Variants in MED13 observed in about 807,000 individuals in gnomAD.
MED13 encodes mediator of RNA polymerase II transcription subunit 13.
Under a neutral mutation model 225.2 loss-of-function variants are expected in MED13, and 23 were observed. That is an observed-to-expected ratio of 0.10 (90% CI 0.07 to 0.14). The LOEUF is 0.14. MED13 is among the 10% of genes least tolerant of loss of function. The probability of loss-of-function intolerance (pLI) is 1.00; values close to 1 mark genes in which losing one functional copy is unlikely to be tolerated. For synonymous variants in MED13, 942 were observed against 889.2 expected, an observed-to-expected ratio of 1.06 and a Z score of -1.06; for missense variants, 2,197 against 2,594.5, an observed-to-expected ratio of 0.85 and a Z score of 3.33.
At position 62,010,566 on chromosome 17, in the gene MED13, CACT is replaced by C; in HGVS notation, c.1948_1950del (p.Ser650del). 6.8e-7 allele frequency: 1 copy of C among 1,461,848 alleles called. No homozygotes were observed. Among genetic ancestry groups the C allele is most frequent in the Non-Finnish European group, 9.1e-7 (1 of 1,104,384 alleles). 90.6% of individuals were successfully genotyped at this position (1,461,848 alleles called of 1,614,324 possible). ...AATACATACTCTGTAACTGATGTTA[CACT>C]TTCCTGTCCAAAAGGTCCAACTGGA... On this transcript the variant is annotated inframe_deletion, in exon 9 of 30. Coordinates refer to ENST00000397786, the MANE Select transcript of MED13 (RefSeq NM_005121.3).
intron 28 of MED13, among the ~76,000 whole-genome samples, chr17:61,948,812 C>G (rs942076513): frequency 6.6e-6 from 1 of 151,112 alleles, no homozygotes; most frequent in Admixed American, 6.6e-5. Context: ...CACGGCCGGG[C>G]GCGGTGGCTC....
intron 8 of MED13, among the ~76,000 whole-genome samples, chr17:62,021,521 C>A (rs527740539): frequency 6.6e-6 from 1 of 152,170 alleles, no homozygotes; most frequent in Non-Finnish European, 1.5e-5. Context: ...ACCTCCCGGA[C>A]GGGGCGAGCA....
intron 10 of MED13, among the ~76,000 whole-genome samples, chr17:61,993,686 T>C (rs1603398972): frequency 2.6e-5 from 4 of 151,952 alleles, no homozygotes; most frequent in African/African-American, 9.6e-5. Flanking sequence ...TCCCAGCACT[T>C]TGGGAGGCCG....
Position 62,033,834 on chromosome 17 carries a change from T to A in MED13, c.767A>T (p.Asp256Val). The change falls in exon 5 of 30, where the codon GAT becomes GTT. Residue 256 changes from aspartate (D) to valine (V), a missense_variant. Physicochemically the swap from Asp to Val is radical, Grantham distance 152. This residue lies in a region of MED13 where 884 missense variants were observed against 918.5 expected (regional missense o/e 0.96). Coordinates refer to ENST00000397786, the MANE Select transcript of MED13 (RefSeq NM_005121.3). ...TAAAGAATCATCTTCCCAATCCATATCTTCCTGTTTTTCTTCAGACATCTC... is the reference window on the plus strand; with the variant it reads ...TAAAGAATCATCTTCCCAATCCATAACTTCCTGTTTTTCTTCAGACATCTC... ...LKEMSEEKQE[D>V]MDWEDDSLAA... 1.9e-6 allele frequency: 3 copies of A among 1,614,152 alleles called. No individual in the cohort carries two copies. Among genetic ancestry groups the A allele is most frequent in the Non-Finnish European group, 2.5e-6 (3 of 1,180,012 alleles).
rs1468157441 is a variant in MED13, at chr17:61,942,768, CACG to C, written c.*3697_*3699del. Reference sequence around the variant, plus strand: ...TGTTTGTTCCTTATTCTCTTTTTGTCACGTTAAAAAGAAAAGCAATTGGACCAT... The same window carrying C: ...TGTTTGTTCCTTATTCTCTTTTTGTCTTAAAAAGAAAAGCAATTGGACCAT... On this transcript the variant is annotated 3_prime_UTR_variant, in exon 30 of 30. Coordinates refer to ENST00000397786, the MANE Select transcript of MED13 (RefSeq NM_005121.3). 1 of 149,644 alleles carries C rather than the reference CACG, an allele frequency of 6.7e-6. No homozygotes were observed. The highest frequency in any genetic ancestry group is 2.4e-5 in the African/African-American group (1 of 41,028). The allele number at this position is 149,644 out of a possible 1,614,324, so 9.3% of individuals were successfully genotyped here.
chr17:62,065,222 C>G lies in MED13; in HGVS notation c.-17G>C, dbSNP rs1217831983. The G allele has an allele frequency of 1.3e-6, 2 of 1,543,436 alleles. No individual in the cohort carries two copies. Among genetic ancestry groups the G allele is most frequent in the African/African-American group, 2.8e-5 (2 of 70,840 alleles). ...GGCACTCATCGTCCCTCACAGCAGC[C>G]GCCGCCGGCGCCACAACCCACCATC... is the stretch of plus-strand genomic sequence containing the variant. On this transcript the variant is annotated 5_prime_UTR_variant, in exon 1 of 30. Transcript: ENST00000397786.
At chr17:61,963,956 A>G (rs2080030723) in intron 20 of MED13, among the ~76,000 whole-genome samples, 1 of 152,236 alleles carries the variant, frequency 6.6e-6, no homozygotes, top group Admixed American at 6.5e-5. Context: ...ATATTATATC[A>G]TATTACTCTC....
At chr17:61,983,555 G>C (rs983579899) in intron 15 of MED13, among the ~76,000 whole-genome samples, 18 of 152,090 alleles carry the variant, frequency 1.2e-4, no homozygotes, top group African/African-American at 4.1e-4. Context: ...ATTTCTTTTA[G>C]CCTTGAGTTG....
In MED13 at chr17:62,019,947, C is replaced by A. The variant is rs147210346; in HGVS notation, c.1284-8714G>T. Among the ~76,000 whole-genome samples, 1,113 of 151,868 alleles carry A rather than the reference C, an allele frequency of 7.3e-3. 9 individuals are homozygous for A. Among genetic ancestry groups the A allele is most frequent in the African/African-American group, 0.025 (1,024 of 41,442 alleles). ...TTTTAGTAGAAACACGGTTTCACTGCGTTAGCCAGGATGGTCTCGATCTCC... is the reference window on the plus strand; with the variant it reads ...TTTTAGTAGAAACACGGTTTCACTGAGTTAGCCAGGATGGTCTCGATCTCC... On this transcript the variant is annotated intron_variant, in intron 8 of 29. Coordinates refer to ENST00000397786, the MANE Select transcript of MED13 (RefSeq NM_005121.3).
Position 62,010,658 on chromosome 17 carries a change from AACTTGTAAT to A in MED13, c.1850_1858del (p.Tyr617_Lys619del). On this transcript the variant is annotated inframe_deletion, in exon 9 of 30. Transcript: ENST00000397786. ...AAACTCTACATCTTTTTTCTTTGGG[AACTTGTAAT>A]ACTTCCAGGCTATATTGGCTTCATC... 1 of 1,499,094 alleles carries A rather than the reference AACTTGTAAT, an allele frequency of 6.7e-7. No individual in the cohort carries two copies. The highest frequency in any genetic ancestry group is 8.9e-7 in the Non-Finnish European group (1 of 1,123,480). 92.9% of individuals were successfully genotyped at this position (1,499,094 alleles called of 1,614,324 possible).
intron 16 of MED13, among the ~76,000 whole-genome samples, chr17:61,980,372 G>T (rs2080193795): frequency 6.6e-6 from 1 of 151,926 alleles, no homozygotes; most frequent in Non-Finnish European, 1.5e-5. Flanking sequence ...ATTTCATCCA[G>T]ATCCACAGCT....
chr17:62,010,952 A>G lies in MED13; in HGVS notation c.1565T>C (p.Met522Thr). 1.2e-6 allele frequency: 2 copies of G among 1,613,004 alleles called. No individual in the cohort carries two copies. The highest frequency in any genetic ancestry group is 1.7e-6 in the Non-Finnish European group (2 of 1,178,998). Reference protein sequence around the residue: ...RTNDVAKTPQMHGTEMANSPQ... With the variant: ...RTNDVAKTPQTHGTEMANSPQ... ...TGAATTTGCCATTTCGGTGCCATGC[A>G]TCTGAGGAGTCTTTGCTACATCATT... The change falls in exon 9 of 30, where the codon ATG becomes ACG. Residue 522 changes from methionine to threonine, a missense_variant. Physicochemically the swap from Met to Thr is moderately conservative, Grantham distance 81. This residue lies in a region of MED13 where 884 missense variants were observed against 918.5 expected (regional missense o/e 0.96). Coordinates refer to ENST00000397786, the MANE Select transcript of MED13 (RefSeq NM_005121.3).
At chr17:62,053,570 A>G (rs1307207859) in intron 2 of MED13, among the ~76,000 whole-genome samples, 1 of 152,210 alleles carries the variant, frequency 6.6e-6, no homozygotes, top group Admixed American at 6.5e-5. Context: ...TGCTACAAAT[A>G]ATGATACCAC....
chr17:62,029,925 T>C lies in MED13; in HGVS notation c.1098A>G (p.Lys366=). Residue 366 remains lysine (K), a synonymous_variant, in exon 7 of 30, where the codon AAA becomes AAG. Coordinates refer to ENST00000397786, the MANE Select transcript of MED13 (RefSeq NM_005121.3). ...NSDSTSHHGG[K]IPRKLANHVV... ...CATGATTTGCTAATTTTCTGGGTATTTTCCCACCATGGTGGCTAGTACTAT... is the reference window on the plus strand; with the variant it reads ...CATGATTTGCTAATTTTCTGGGTATCTTCCCACCATGGTGGCTAGTACTAT... 1.2e-6 allele frequency: 2 copies of C among 1,614,100 alleles called. No individual in the cohort carries two copies. Among genetic ancestry groups the C allele is most frequent in the Non-Finnish European group, 8.5e-7 (1 of 1,180,022 alleles).
intron 8 of MED13, 43 bp from the exon 9 acceptor site, chr17:62,011,276 T>C (rs898883326): frequency 1.3e-6 from 2 of 1,540,688 alleles, no homozygotes; most frequent in Non-Finnish European, 1.8e-6. Flanking sequence ...AGTATCACTA[T>C]TATGGCGAAG....
At chr17:61,955,215 C>G in intron 26 of MED13, 167 bp downstream of exon 26, 1 of 507,442 alleles carries the variant, frequency 2.0e-6, no homozygotes, top group Non-Finnish European at 3.3e-6. Context: ...ATTAAGGGCC[C>G]ACCTGCGTAA....
intron 26 of MED13, 186 bp downstream of exon 26, chr17:61,955,194 CAT>C (rs1207086564): frequency 7.9e-5 from 34 of 431,332 alleles, no homozygotes; most frequent in South Asian, 1.7e-4. Context: ...TATAAGAACA[CAT>C]GTTATCGCAT....
rs186596860 is a variant in MED13 at position 62,059,398 on chromosome 17, T to C, written c.301+3669A>G. Among the ~76,000 whole-genome samples the C allele has an allele frequency of 1.4e-4, 21 of 152,298 alleles. No homozygotes were observed. The East Asian group carries it at 3.7e-3, about 27-fold the overall frequency. On this transcript the variant is annotated intron_variant, in intron 2 of 29. Coordinates refer to ENST00000397786, the MANE Select transcript of MED13 (RefSeq NM_005121.3). Reference sequence around the variant, plus strand: ...TCACTACCAAGAAAAACAAGGGCAATATTATCACCATAATAAAAAACACTT... The same window carrying C: ...TCACTACCAAGAAAAACAAGGGCAACATTATCACCATAATAAAAAACACTT...
intron 8 of MED13, among the ~76,000 whole-genome samples, chr17:62,011,493 G>A (rs1168604777): frequency 6.6e-6 from 1 of 152,116 alleles, no homozygotes; most frequent in Non-Finnish European, 1.5e-5. Flanking sequence ...CAAAGATTAT[G>A]TCTTACATGA....
Sources: allele counts gnomAD v4.1 joint callset (sites outside exome capture counted in the v4.1 genomes callset), GRCh38; gene constraint gnomAD v4.1.1; regional missense constraint gnomAD v4.1.1; transcripts MANE v1.5; gene names NCBI Gene and HGNC (gene_info 2026-07-23, HGNC 2026-07-21).